Variants in TESMIN observed in about 807,000 individuals in gnomAD.
The protein encoded by TESMIN is testis expressed metallothionein like protein.
In TESMIN, 34 loss-of-function variants were observed where a neutral mutation model predicts 47.4. That is an observed-to-expected ratio of 0.72 (90% confidence interval 0.55 to 0.96). The LOEUF (loss-of-function observed/expected upper bound fraction) is 0.96. Among genes scored for constraint, TESMIN ranks in the 40% least tolerant of loss-of-function variants. TESMIN has a pLI of 0.00. For synonymous variants in TESMIN, 278 were observed against 258.9 expected (o/e 1.07, Z -0.71); for missense variants, 610 against 637.2 (o/e 0.96, Z 0.46).
intron 6 of TESMIN, among the ~76,000 whole-genome samples, chr11:68,730,410 TA>T (rs1219318938): frequency 2.0e-5 from 3 of 152,234 alleles, no homozygotes; most frequent in African/African-American, 4.8e-5. Context: ...ACAGTTGCTT[TA>T]AAAAATGATG....
intron 6 of TESMIN, among the ~76,000 whole-genome samples, chr11:68,717,270 G>A (rs985811883): frequency 3.9e-5 from 6 of 152,228 alleles, no homozygotes; most frequent in Admixed American, 3.9e-4. Flanking sequence ...GGCGAGTTCT[G>A]CAGCAGCTAA....
Position 68,708,242 on chromosome 11 carries a change from A to C in TESMIN, c.*66T>G. 1 of 1,466,168 alleles carries C rather than the reference A, an allele frequency of 6.8e-7. No homozygotes were observed. The highest frequency in any genetic ancestry group is 2.3e-5 in the East Asian group (1 of 43,446). 90.8% of individuals were successfully genotyped at this position (1,466,168 alleles called of 1,614,324 possible). On this transcript the variant is annotated 3_prime_UTR_variant, in exon 10 of 10. Transcript: ENST00000255087. ...GCAGAGCCAGCCTCATGTTCCCCTA[A>C]ACATCCTTTCTAAACTAGAGATTTC...
intron 5 of TESMIN, 32 bp from the exon 6 acceptor site, chr11:68,738,820 A>G: frequency 6.4e-7 from 1 of 1,570,812 alleles, no homozygotes; most frequent in Non-Finnish European, 8.7e-7. Context: ...GATATTTTGA[A>G]TTAGCAAGGA....
intron 9 of TESMIN, among the ~76,000 whole-genome samples, chr11:68,709,677 C>T (rs951777911): frequency 1.3e-5 from 2 of 152,142 alleles, no homozygotes; most frequent in African/African-American, 4.8e-5. Context: ...AAAGACAATA[C>T]ACGATGACTT....
intron 5 of TESMIN, 22 bp from the exon 6 acceptor site, chr11:68,738,810 G>T (rs949049660): frequency 6.9e-6 from 11 of 1,590,382 alleles, no homozygotes; most frequent in Non-Finnish European, 9.5e-6. Context: ...CAAAGGCAAG[G>T]ATATTTTGAA....
At position 68,750,412 on chromosome 11, in the gene TESMIN, G is replaced by A; in HGVS notation, c.249C>T (p.Leu83=). ...CCCCGCCGTCGCTGTCGCCCCCCGC[G>A]AGCTTCGCCTTGACCTGGCCCTTGC... The part of the protein sequence containing the change: ...ADCKGQVKAK[L]AGGDSDGGEL... The change falls in exon 2 of 10, where the codon CTC becomes CTT. Residue 83 remains leucine, a synonymous_variant. Coordinates refer to ENST00000255087, the MANE Select transcript of TESMIN (RefSeq NM_004923.3). 6.5e-7 allele frequency: 1 copy of A among 1,529,510 alleles called. No individual in the cohort carries two copies. The highest frequency in any genetic ancestry group is 8.8e-7 in the Non-Finnish European group (1 of 1,134,120). 94.7% of individuals were successfully genotyped at this position (1,529,510 alleles called of 1,614,324 possible). A position where few individuals can be genotyped will look rare whatever the true frequency, so the allele number is the denominator to read the frequency against.
intron 6 of TESMIN, among the ~76,000 whole-genome samples, chr11:68,726,398 C>T (rs1047125452): frequency 1.5e-4 from 23 of 152,200 alleles, no homozygotes; most frequent in African/African-American, 5.5e-4. Context: ...AACAAACCTT[C>T]TCTGAAGAGC....
At chr11:68,746,682 ATC>A (rs1488178567) in intron 3 of TESMIN, among the ~76,000 whole-genome samples, 2 of 152,168 alleles carry the variant, frequency 1.3e-5, no homozygotes, top group African/African-American at 4.8e-5. Flanking sequence ...ATGATGTAAC[ATC>A]TCTGTTTCTT....
At chr11:68,731,295 GC>G (rs890957010) in intron 6 of TESMIN, among the ~76,000 whole-genome samples, 1 of 152,164 alleles carries the variant, frequency 6.6e-6, no homozygotes, top group Admixed American at 6.5e-5. Flanking sequence ...GGGCATGAGG[GC>G]GCATGCCTGT....
Position 68,715,958 on chromosome 11 carries a change from A to T in TESMIN, c.918-19T>A. On this transcript the variant is annotated intron_variant, in intron 6 of 9. Coordinates refer to ENST00000255087, the MANE Select transcript of TESMIN (RefSeq NM_004923.3). The stretch of plus-strand genomic sequence containing the variant: ...ACAGTACCTGTGAAGGAAAGGACAG[A>T]GTGAGTGGCAGGCACAGACGGCACA... 2 of 1,513,888 alleles carry T rather than the reference A, an allele frequency of 1.3e-6. No individual in the cohort carries two copies. The highest frequency in any genetic ancestry group is 3.3e-5 in the Admixed American group (2 of 59,784). 93.8% of individuals were successfully genotyped at this position (1,513,888 alleles called of 1,614,324 possible).
At position 68,708,309 on chromosome 11, in the gene TESMIN, T is replaced by G. The variant is rs757659143; in HGVS notation, c.1526A>C (p.Ter509SerextTer12). ...EFKSKGLKME[*>S] The stretch of plus-strand genomic sequence containing the variant: ...CAACATGCATTCACACTTTATACTC[T>G]ACTCCATTTTCAATCCCTTAGATTT... The change falls in exon 10 of 10, where the codon TAG becomes TCG. Residue 509 changes from the stop codon to serine (S), a stop_lost. Coordinates refer to ENST00000255087, the MANE Select transcript of TESMIN (RefSeq NM_004923.3). 1.3e-6 allele frequency: 2 copies of G among 1,596,674 alleles called. No individual in the cohort carries two copies. Among genetic ancestry groups the G allele is most frequent in the South Asian group, 2.3e-5 (2 of 87,720 alleles).
intron 3 of TESMIN, 143 bp downstream of exon 3, chr11:68,747,065 G>C: frequency 2.4e-6 from 2 of 816,380 alleles, no homozygotes; most frequent in Admixed American, 2.1e-5. Context: ...TCATGTCCCT[G>C]TTTTGCTAAT....
In TESMIN at chr11:68,742,343, G is replaced by T; in HGVS notation, c.803C>A (p.Thr268Lys). Residue 268 changes from threonine to lysine, a missense_variant, in exon 5 of 10, where the codon ACA (threonine) becomes AAA (lysine). Transcript: ENST00000255087. ...ALVGRFLPAS[T>K]KLNLITQQLE... Reference sequence around the variant, plus strand: ...TTGTTGTGTAATGAGATTTAATTTTGTTGATGCTGGCAAAAATCTCCCTAC... The same window carrying T: ...TTGTTGTGTAATGAGATTTAATTTTTTTGATGCTGGCAAAAATCTCCCTAC... The T allele has an allele frequency of 6.2e-7, 1 of 1,601,196 alleles. No homozygotes were observed. The highest frequency in any genetic ancestry group is 8.5e-7 in the Non-Finnish European group (1 of 1,171,594).
Position 68,711,312 on chromosome 11 carries a change from GT to G in TESMIN, c.1159-264del, listed in dbSNP as rs1165591091. ...GTGTTGAGCGTGTATATGAGTGTGT[GT>G]GGGGTGTGTGTGTGTCGAGTGTGCG... On this transcript the variant is annotated intron_variant, in intron 8 of 9. Coordinates refer to ENST00000255087, the MANE Select transcript of TESMIN (RefSeq NM_004923.3). 7.6e-3 allele frequency among the ~76,000 whole-genome samples: 1,154 copies of G among 151,124 alleles called. 14 individuals are homozygous for G. Among genetic ancestry groups the G allele is most frequent in the African/African-American group, 0.026 (1,077 of 41,188 alleles).
chr11:68,738,411 A>G, intron 6 of TESMIN: 3 of 1,156,290 alleles, frequency 2.6e-6, no homozygotes, highest in Non-Finnish European at 3.2e-6. Context: ...GAAGACAAAG[A>G]GCTATAAATG....
At position 68,732,231 on chromosome 11, in the gene TESMIN, G is replaced by A. The variant is rs1039594272; in HGVS notation, c.917+6469C>T. On this transcript the variant is annotated intron_variant, in intron 6 of 9. Transcript: ENST00000255087. Reference sequence around the variant, plus strand: ...CCTTTCCTCTGTTCCAATGCTGACCGAGTGCCCTCGTGATGGTACATTCTT... The same window carrying A: ...CCTTTCCTCTGTTCCAATGCTGACCAAGTGCCCTCGTGATGGTACATTCTT... Among the ~76,000 whole-genome samples, 15 of 152,312 alleles carry A rather than the reference G, an allele frequency of 9.8e-5. No homozygotes were observed. In the Middle Eastern group the frequency reaches 0.01, roughly 104 times the overall value.
At chr11:68,724,744 G>A (rs919430702) in intron 6 of TESMIN, among the ~76,000 whole-genome samples, 10 of 152,184 alleles carry the variant, frequency 6.6e-5, no homozygotes, top group Non-Finnish European at 7.4e-5. Context: ...AACTAAGACA[G>A]AAATCTGAGA....
chr11:68,740,398 G>A (rs1337812009), intron 5 of TESMIN, among the ~76,000 whole-genome samples: 2 of 152,168 alleles, frequency 1.3e-5, no homozygotes, highest in Non-Finnish European at 2.9e-5. Flanking sequence ...GGCCAAAATG[G>A]GGACGATAAT....
chr11:68,724,234 A>G (rs143111334), intron 6 of TESMIN, among the ~76,000 whole-genome samples: 73 of 152,364 alleles, frequency 4.8e-4, no homozygotes, highest in African/African-American at 1.8e-3. Context: ...TTGTTGTCAT[A>G]GATATATTAT....
Sources: allele counts gnomAD v4.1 joint callset (sites outside exome capture counted in the v4.1 genomes callset), GRCh38; gene constraint gnomAD v4.1.1; transcripts MANE v1.5; gene names NCBI Gene and HGNC (gene_info 2026-07-23, HGNC 2026-07-21).